SAMD12: variants seen among roughly 807,000 people sequenced by gnomAD.
SAMD12 encodes sterile alpha motif domain-containing protein 12.
SAMD12 carries 9 observed loss-of-function variants against 15.0 expected under a neutral mutation model. The observed-to-expected ratio is 0.60, with a 90% CI of 0.36 to 1.05. The LOEUF (loss-of-function observed/expected upper bound fraction) is 1.05, where lower values mean the gene tolerates loss of function less well. SAMD12 is among the 50% of genes least tolerant of loss of function. The pLI, the probability that SAMD12 is intolerant of heterozygous loss-of-function variation, is 0.01. For missense variants in SAMD12, 230 were observed against 234.2 expected (o/e 0.98, Z 0.12); for synonymous variants, 86 against 90.1 (o/e 0.96, Z 0.25).
chr8:118,353,078 G>C (rs973924629), intron 4 of SAMD12, among the ~76,000 whole-genome samples: 1 of 151,774 alleles, frequency 6.6e-6, no homozygotes, highest in African/African-American at 2.4e-5. Context: ...TCAGTTTTTT[G>C]TGTGAAAATA....
At chr8:118,496,029 A>C (rs1824599210) in intron 2 of SAMD12, among the ~76,000 whole-genome samples, 2 of 152,174 alleles carry the variant, frequency 1.3e-5, no homozygotes, top group Non-Finnish European at 2.9e-5. Flanking sequence ...CTCTATAATA[A>C]GAATGACAAA....
the SAMD12 span, among the ~76,000 whole-genome samples, chr8:118,152,706 T>C: frequency 6.6e-6 from 1 of 152,098 alleles, no homozygotes; most frequent in Non-Finnish European, 1.5e-5. Context: ...ACCATGTCGC[T>C]CAGGCTGGTC....
intron 4 of SAMD12, among the ~76,000 whole-genome samples, chr8:118,249,644 T>C (rs1176126537): frequency 6.6e-6 from 1 of 152,128 alleles, no homozygotes; most frequent in African/African-American, 2.4e-5. Context: ...TTTTGTGTTT[T>C]AGAAAGTAAG....
the SAMD12 span, among the ~76,000 whole-genome samples, chr8:118,135,186 TTTG>T: frequency 1.3e-5 from 2 of 152,220 alleles, no homozygotes; most frequent in African/African-American, 4.8e-5. Flanking sequence ...GTGTTTCTTT[TTTG>T]TTTTTTTTCT....
At chr8:118,371,819 A>C (rs1377808396) in intron 4 of SAMD12, among the ~76,000 whole-genome samples, 3 of 152,144 alleles carry the variant, frequency 2.0e-5, no homozygotes, top group Non-Finnish European at 4.4e-5. Flanking sequence ...CAGCATGCAA[A>C]ATGCCAACAA....
chr8:118,349,916 C>T (rs905528152), intron 4 of SAMD12, among the ~76,000 whole-genome samples: 16 of 152,238 alleles, frequency 1.1e-4, no homozygotes, highest in Admixed American at 6.5e-4. Flanking sequence ...TTGCTTGAGC[C>T]CAGGAGTTTG....
the SAMD12 span, among the ~76,000 whole-genome samples, chr8:118,140,551 T>G: frequency 6.6e-6 from 1 of 152,154 alleles, no homozygotes; most frequent in Non-Finnish European, 1.5e-5. Flanking sequence ...AGATTATAGG[T>G]GTGAGCCACT....
At chr8:118,333,813 C>G (rs1015569251) in intron 4 of SAMD12, among the ~76,000 whole-genome samples, 9 of 151,788 alleles carry the variant, frequency 5.9e-5, no homozygotes, top group Non-Finnish European at 1.2e-4. Context: ...GCCCAGGCAC[C>G]ATGCCTCTGG....
At chr8:118,320,691 T>C (rs531316746) in intron 4 of SAMD12, among the ~76,000 whole-genome samples, 3 of 147,522 alleles carry the variant, frequency 2.0e-5, no homozygotes, top group African/African-American at 7.6e-5. Context: ...TGGGGAGGGA[T>C]AGCATTAGGA....
At chr8:118,210,219 C>T (rs139891011) in intron 4 of SAMD12, among the ~76,000 whole-genome samples, 3 of 152,270 alleles carry the variant, frequency 2.0e-5, no homozygotes, top group Admixed American at 6.5e-5. Context: ...CTGGGGTTTA[C>T]GTGCATTATT....
intron 4 of SAMD12, among the ~76,000 whole-genome samples, chr8:118,263,245 C>T (rs144518307): frequency 7.9e-5 from 12 of 152,064 alleles, no homozygotes; most frequent in Admixed American, 3.3e-4. Context: ...TAAAACCTCA[C>T]GAAAGTGAAG....
At chr8:118,536,455 C>G (rs1337557721) in intron 2 of SAMD12, among the ~76,000 whole-genome samples, 3 of 151,134 alleles carry the variant, frequency 2.0e-5, no homozygotes, top group Admixed American at 1.3e-4. Flanking sequence ...CACACACACA[C>G]ACACACACAC....
At chr8:118,351,297 A>G (rs950264238) in intron 4 of SAMD12, among the ~76,000 whole-genome samples, 1 of 152,164 alleles carries the variant, frequency 6.6e-6, no homozygotes, top group African/African-American at 2.4e-5. Context: ...TGAGGGACGT[A>G]CCTCTCAACT....
chr8:118,324,168 G>A (rs1012759595), intron 4 of SAMD12, among the ~76,000 whole-genome samples: 5 of 151,618 alleles, frequency 3.3e-5, no homozygotes, highest in Admixed American at 6.6e-5. Flanking sequence ...ATCTGTATTC[G>A]GTAAGGAAGG....
At chr8:118,163,523 C>G in the SAMD12 span, among the ~76,000 whole-genome samples, 2 of 152,118 alleles carry the variant, frequency 1.3e-5, no homozygotes, top group Non-Finnish European at 2.9e-5. Context: ...CCTGGGGGAG[C>G]GTTAGGACAT....
rs139827354 is a variant in SAMD12 at position 118,333,091 on chromosome 8, C to A, written c.433+46469G>T. Among the ~76,000 whole-genome samples, 532 of 152,242 alleles carry A rather than the reference C, an allele frequency of 3.5e-3. 5 individuals carry two copies. The highest frequency in any genetic ancestry group is 0.012 in the African/African-American group (511 of 41,542). On this transcript the variant is annotated intron_variant, in intron 4 of 4. Transcript: ENST00000409003. ...ATAGAAGGTACTCACACACAGTTAT[C>A]GCAGGGAAGGCTTTTCTGAGTTGAT...
chr8:118,435,649 G>C (rs1822557732), intron 3 of SAMD12, among the ~76,000 whole-genome samples: 1 of 152,108 alleles, frequency 6.6e-6, no homozygotes. Flanking sequence ...ATTTTGTTTA[G>C]AATTTAAAGT....
intron 4 of SAMD12, among the ~76,000 whole-genome samples, chr8:118,247,577 T>TTTTATTTA (rs773362667): frequency 5.9e-5 from 9 of 151,708 alleles, no homozygotes; most frequent in African/African-American, 2.2e-4. Context: ...ACTTTAAAAA[T>TTTTATTTA]TTTATTTATT....
At position 118,552,184 on chromosome 8, in the gene SAMD12, A is replaced by G. The variant is rs1337810013; in HGVS notation, c.192+28531T>C. On this transcript the variant is annotated intron_variant, in intron 2 of 3. Transcript: ENST00000314727. The stretch of plus-strand genomic sequence containing the variant: ...CCTCCCTAACTCATTTTATGAGGCC[A>G]GCATCATCCTGATACCAAAGCCGGG... 4.6e-5 allele frequency among the ~76,000 whole-genome samples: 7 copies of G among 152,328 alleles called. No individual in the cohort carries two copies. The East Asian group carries it at 9.6e-4, about 21-fold the overall frequency.
Sources: allele counts gnomAD v4.1 joint callset (sites outside exome capture counted in the v4.1 genomes callset), GRCh38; gene constraint gnomAD v4.1.1; transcripts MANE v1.5; gene names NCBI Gene and HGNC (gene_info 2026-07-23, HGNC 2026-07-21).